The following OSBPL1A variants were observed in gnomAD, a reference collection of about 807,000 sequenced individuals.
OSBPL1A encodes the protein oxysterol binding protein like 1A.
In OSBPL1A, 80 loss-of-function variants were observed where a neutral mutation model predicts 137.1. That is an observed-to-expected ratio of 0.58 (90% CI 0.49 to 0.70). The LOEUF is 0.70. Ranked by LOEUF, OSBPL1A falls within the 30% of genes least tolerant of loss-of-function variation. The probability of loss-of-function intolerance (pLI) is 0.00; values close to 1 mark genes in which losing one functional copy is unlikely to be tolerated. For synonymous variants in OSBPL1A, 365 were observed against 389.7 expected, an observed-to-expected ratio of 0.94 and a Z score of 0.75; for missense variants, 970 against 1,129.4, an observed-to-expected ratio of 0.86 and a Z score of 2.02.
At position 24,238,504 on chromosome 18, in the gene OSBPL1A, C is replaced by T. The variant is rs1037168550; in HGVS notation, c.1444+716G>A. Among the ~76,000 whole-genome samples the T allele has an allele frequency of 3.9e-5, 6 of 152,304 alleles. No individual in the cohort carries two copies. The South Asian group carries it at 1.0e-3, about 26-fold the overall frequency. On this transcript the variant is annotated intron_variant, in intron 16 of 27. Coordinates refer to ENST00000319481, the MANE Select transcript of OSBPL1A (RefSeq NM_080597.4). ...CCCATTTTTTTAGCACTGAGTATCACCAGGCACTGTTCTAACCACTATCTA... is the reference window on the plus strand; with the variant it reads ...CCCATTTTTTTAGCACTGAGTATCATCAGGCACTGTTCTAACCACTATCTA...
intron 15 of OSBPL1A, among the ~76,000 whole-genome samples, chr18:24,263,788 A>G (rs1188681953): frequency 6.6e-5 from 10 of 152,026 alleles, no homozygotes. Context: ...GGCATGCGTC[A>G]CTGCACCTGG....
chr18:24,355,715 T>C (rs1004347423), intron 4 of OSBPL1A, among the ~76,000 whole-genome samples: 1 of 151,808 alleles, frequency 6.6e-6, no homozygotes, highest in East Asian at 1.9e-4. Context: ...CTGAGCGCAG[T>C]GGCTCACGCT....
rs775878073 is a variant in OSBPL1A, at chr18:24,317,098, G to C, written c.870+51C>G. The C allele has an allele frequency of 1.9e-6, 3 of 1,565,376 alleles. No individual in the cohort carries two copies. The African/African-American group carries it at 4.1e-5, about 21-fold the overall frequency. On this transcript the variant is annotated intron_variant, in intron 11 of 27. Coordinates refer to ENST00000319481, the MANE Select transcript of OSBPL1A (RefSeq NM_080597.4). Reference sequence around the variant, plus strand: ...TATAAATGATTTGGGTCAATCACTTGAAGAACTGATTTCACAGTTAGAGGA... The same window carrying C: ...TATAAATGATTTGGGTCAATCACTTCAAGAACTGATTTCACAGTTAGAGGA...
At chr18:24,348,804 A>G (rs773899257) in intron 4 of OSBPL1A, among the ~76,000 whole-genome samples, 1 of 152,012 alleles carries the variant, frequency 6.6e-6, no homozygotes, top group African/African-American at 2.4e-5. Flanking sequence ...GCCTTCAAAA[A>G]GGTAAAAGAT....
At chr18:24,241,206 A>G (rs974606333) in intron 15 of OSBPL1A, among the ~76,000 whole-genome samples, 1 of 152,260 alleles carries the variant, frequency 6.6e-6, no homozygotes, top group African/African-American at 2.4e-5. Flanking sequence ...CATTCAGGAC[A>G]TAGGCATGGG....
At chr18:24,234,984 T>G (rs1206114016) in intron 16 of OSBPL1A, among the ~76,000 whole-genome samples, 1 of 152,058 alleles carries the variant, frequency 6.6e-6, no homozygotes, top group African/African-American at 2.4e-5. Flanking sequence ...GGCACTGGTA[T>G]AGTAAGTGGA....
At chr18:24,284,806 C>A (rs950357064) in intron 14 of OSBPL1A, among the ~76,000 whole-genome samples, 1 of 152,088 alleles carries the variant, frequency 6.6e-6, no homozygotes, top group African/African-American at 2.4e-5. Flanking sequence ...ATATTGGAAA[C>A]AATAATTATC....
intron 4 of OSBPL1A, among the ~76,000 whole-genome samples, chr18:24,350,922 G>C (rs915256226): frequency 6.6e-6 from 1 of 152,098 alleles, no homozygotes; most frequent in Non-Finnish European, 1.5e-5. Context: ...GGAAGACATG[G>C]GGCCCAGGAA....
intron 24 of OSBPL1A, among the ~76,000 whole-genome samples, chr18:24,168,427 T>G (rs984769112): frequency 1.7e-4 from 26 of 152,228 alleles, no homozygotes; most frequent in African/African-American, 6.3e-4. Context: ...ATGCATCTGA[T>G]GAAAAGAGAA....
chr18:24,294,229 T>G (rs1005834278), intron 14 of OSBPL1A, among the ~76,000 whole-genome samples: 2 of 151,952 alleles, frequency 1.3e-5, no homozygotes, highest in African/African-American at 4.8e-5. Context: ...TGTTTTTTTT[T>G]TTGGTGGTGG....
intron 4 of OSBPL1A, chr18:24,364,969 T>C (rs921276955): frequency 4.9e-5 from 7 of 142,752 alleles, no homozygotes; most frequent in Admixed American, 3.8e-4. Context: ...GCTGAGACTG[T>C]GCCACTGCCC....
intron 15 of OSBPL1A, among the ~76,000 whole-genome samples, chr18:24,240,625 C>T (rs1312180860): frequency 2.0e-5 from 3 of 152,302 alleles, no homozygotes; most frequent in South Asian, 2.1e-4. Flanking sequence ...GTCTCTTGTT[C>T]GTTAGTTTCC....
chr18:24,281,471 T>C (rs1454046151), intron 14 of OSBPL1A, among the ~76,000 whole-genome samples: 1 of 151,740 alleles, frequency 6.6e-6, no homozygotes, highest in African/African-American at 2.4e-5. Flanking sequence ...TATTGTAACC[T>C]TCACCTCCCG....
chr18:24,340,568 G>T (rs1203385766), intron 5 of OSBPL1A, among the ~76,000 whole-genome samples: 1 of 152,132 alleles, frequency 6.6e-6, no homozygotes, highest in Non-Finnish European at 1.5e-5. Context: ...ACTTTGGGAG[G>T]CCAAGGTGGG....
chr18:24,245,430 C>T (rs1345215240), intron 15 of OSBPL1A, among the ~76,000 whole-genome samples: 1 of 152,156 alleles, frequency 6.6e-6, no homozygotes, highest in East Asian at 1.9e-4. Flanking sequence ...AATGTTCTCA[C>T]TTCAAAACTT....
chr18:24,217,491 A>C (rs995700954), intron 17 of OSBPL1A, among the ~76,000 whole-genome samples: 3 of 152,150 alleles, frequency 2.0e-5, no homozygotes, highest in Non-Finnish European at 4.4e-5. Context: ...TCCTGGCCTC[A>C]AGTGATACAC....
At chr18:24,216,234 A>C (rs567928238) in intron 17 of OSBPL1A, among the ~76,000 whole-genome samples, 14 of 152,344 alleles carry the variant, frequency 9.2e-5, no homozygotes, top group Middle Eastern at 6.8e-3. Flanking sequence ...GGCCAAGCGC[A>C]GTGGCTCACA....
intron 1 of OSBPL1A, among the ~76,000 whole-genome samples, chr18:24,386,186 T>C (rs1446677227): frequency 6.6e-6 from 1 of 152,128 alleles, no homozygotes; most frequent in Non-Finnish European, 1.5e-5. Context: ...ACGGGGTCAA[T>C]ACAGTCATAG....
intron 4 of OSBPL1A, among the ~76,000 whole-genome samples, chr18:24,344,515 G>A (rs748985678): frequency 6.6e-6 from 1 of 152,184 alleles, no homozygotes; most frequent in African/African-American, 2.4e-5. Context: ...TTCTCCAGTG[G>A]AGATAGCAGA....
Sources: gnomAD v4.1 joint callset for allele counts (sites outside exome capture counted in the v4.1 genomes callset) on GRCh38, gnomAD v4.1.1 for gene constraint, MANE v1.5 for transcripts, NCBI Gene and HGNC (gene_info 2026-07-23, HGNC 2026-07-21) for gene names.